The following STT3B variants were observed in gnomAD, a reference collection of about 807,000 sequenced individuals.
The protein encoded by STT3B is dolichyl-diphosphooligosaccharide--protein glycosyltransferase subunit STT3B.
In STT3B, 29 loss-of-function variants were observed where a neutral mutation model predicts 96.8. That is an observed-to-expected ratio of 0.30 (90% CI 0.22 to 0.41). The LOEUF is 0.41. STT3B is among the 10% of genes least tolerant of loss of function. The probability of loss-of-function intolerance (pLI) is 1.00; values close to 1 mark genes in which losing one functional copy is unlikely to be tolerated. For synonymous variants in STT3B, 367 were observed against 360.0 expected, an observed-to-expected ratio of 1.02 and a Z score of -0.22; for missense variants, 640 against 1,022.3, an observed-to-expected ratio of 0.63 and a Z score of 5.10.
rs372760336 is a variant in STT3B at position 31,620,132 on chromosome 3, G to A, written c.1327+302G>A. The A allele has an allele frequency of 5.3e-5, 20 of 380,380 alleles. No homozygotes were observed. The East Asian group carries it at 8.3e-4, about 16-fold the overall frequency. The allele number at this position is 380,380 out of a possible 1,614,324, so 23.6% of individuals were successfully genotyped here. On this transcript the variant is annotated intron_variant, in intron 9 of 15. Transcript: ENST00000295770. ...TCTACTAAAAATACAAAAATTAGCC[G>A]AACATGGTGGTGCATGCCTGTAATC...
At position 31,579,687 on chromosome 3, in the gene STT3B, T is replaced by G. The variant is rs939416028; in HGVS notation, c.424-122T>G. On this transcript the variant is annotated intron_variant, in intron 2 of 15. Coordinates refer to ENST00000295770, the MANE Select transcript of STT3B (RefSeq NM_178862.3). ...TGTAGTTTATAAAGAAGGCAAATTG[T>G]TTTGAGATGTTGCTTTCAAACTTAT... is the stretch of plus-strand genomic sequence containing the variant. 5.2e-6 allele frequency: 4 copies of G among 767,828 alleles called. No individual in the cohort carries two copies. In the African/African-American group the frequency reaches 7.2e-5, roughly 14 times the overall value. 47.6% of individuals were successfully genotyped at this position (767,828 alleles called of 1,614,324 possible).
intron 3 of STT3B, among the ~76,000 whole-genome samples, chr3:31,585,871 C>A (rs1022809264): frequency 1.3e-5 from 2 of 152,052 alleles, no homozygotes; most frequent in Non-Finnish European, 2.9e-5. Flanking sequence ...ACTACAATTT[C>A]TTTTCCAGTT....
intron 3 of STT3B, among the ~76,000 whole-genome samples, chr3:31,595,693 G>C (rs571912799): frequency 6.6e-6 from 1 of 152,122 alleles, no homozygotes; most frequent in African/African-American, 2.4e-5. Flanking sequence ...TTGGTTACTT[G>C]CTTTTCAGTT....
chr3:31,608,852 C>T (rs1413259490), intron 5 of STT3B, among the ~76,000 whole-genome samples: 5 of 152,218 alleles, frequency 3.3e-5, no homozygotes, highest in African/African-American at 4.8e-5. Context: ...TGCAGTGGCT[C>T]ACGCCTGTAA....
At chr3:31,625,874 G>A in intron 12 of STT3B, 80 bp from the exon 13 acceptor site, 1 of 1,301,514 alleles carries the variant, frequency 7.7e-7, no homozygotes, top group Non-Finnish European at 1.0e-6. Flanking sequence ...TGAATTCCAT[G>A]TTGTAGTAAA....
intron 3 of STT3B, among the ~76,000 whole-genome samples, chr3:31,588,918 G>A (rs1698605942): frequency 6.6e-6 from 1 of 150,888 alleles, no homozygotes; most frequent in African/African-American, 2.4e-5. Context: ...TTGAAGTCAG[G>A]TGTAGTATCA....
intron 5 of STT3B, among the ~76,000 whole-genome samples, chr3:31,614,781 T>A (rs1699267956): frequency 6.6e-6 from 1 of 151,922 alleles, no homozygotes; most frequent in Non-Finnish European, 1.5e-5. Flanking sequence ...TATGTATTAC[T>A]TAGCTTCTTG....
chr3:31,615,628 T>C (rs1224931852), intron 6 of STT3B, among the ~76,000 whole-genome samples: 5 of 151,906 alleles, frequency 3.3e-5, no homozygotes, highest in Non-Finnish European at 7.4e-5. Flanking sequence ...GTTGTCACTT[T>C]ACCAAGTAGT....
At chr3:31,548,615 C>G (rs1697474006) in intron 1 of STT3B, among the ~76,000 whole-genome samples, 1 of 152,142 alleles carries the variant, frequency 6.6e-6, no homozygotes, top group Admixed American at 6.6e-5. Flanking sequence ...TTGACCACCT[C>G]TCCTCAACCT....
intron 1 of STT3B, among the ~76,000 whole-genome samples, chr3:31,549,688 C>T (rs1697503594): frequency 6.6e-6 from 1 of 151,866 alleles, no homozygotes; most frequent in African/African-American, 2.4e-5. Flanking sequence ...AATGCATAAT[C>T]ATATGTCTAA....
chr3:31,626,336 C>G (rs1699537772), intron 13 of STT3B, among the ~76,000 whole-genome samples: 1 of 152,144 alleles, frequency 6.6e-6, no homozygotes, highest in Non-Finnish European at 1.5e-5. Context: ...ACCATTCTTC[C>G]CTATGAAGCA....
intron 1 of STT3B, among the ~76,000 whole-genome samples, chr3:31,572,149 T>TATATA (rs936852819): frequency 7.3e-6 from 1 of 136,544 alleles, no homozygotes; most frequent in African/African-American, 3.0e-5. Context: ...TCTAAATTTA[T>TATATA]ATATAATATA....
chr3:31,576,313 A>T (rs1200666033), intron 1 of STT3B, 83 bp from the exon 2 acceptor site: 1 of 706,634 alleles, frequency 1.4e-6, no homozygotes, highest in African/African-American at 1.8e-5. Context: ...AGATACATTT[A>T]TGTAGCCACA....
chr3:31,633,286 T>C, intron 15 of STT3B, 139 bp downstream of exon 15: 1 of 759,400 alleles, frequency 1.3e-6, no homozygotes, highest in Non-Finnish European at 2.1e-6. Context: ...GAAGTAAATA[T>C]CAGCCTAGCC....
chr3:31,534,431 G>C (rs1360345037), intron 1 of STT3B, among the ~76,000 whole-genome samples: 1 of 152,166 alleles, frequency 6.6e-6, no homozygotes, highest in Non-Finnish European at 1.5e-5. Flanking sequence ...TCCCCTCTGA[G>C]AGTATGCCTT....
At chr3:31,588,504 T>G (rs899917128) in intron 3 of STT3B, among the ~76,000 whole-genome samples, 1 of 152,132 alleles carries the variant, frequency 6.6e-6, no homozygotes, top group Non-Finnish European at 1.5e-5. Flanking sequence ...ACATTTCTGC[T>G]AGATTTGCTC....
chr3:31,577,302 T>C (rs915601267), intron 2 of STT3B, among the ~76,000 whole-genome samples: 1 of 152,106 alleles, frequency 6.6e-6, no homozygotes, highest in Non-Finnish European at 1.5e-5. Flanking sequence ...TTCTTCATTA[T>C]TAAGAGATGC....
chr3:31,547,500 G>T (rs1174205368), intron 1 of STT3B, among the ~76,000 whole-genome samples: 1 of 152,040 alleles, frequency 6.6e-6, no homozygotes, highest in African/African-American at 2.4e-5. Flanking sequence ...CAAAAAATCA[G>T]CCGGGCATGG....
intron 2 of STT3B, among the ~76,000 whole-genome samples, 196 bp from the exon 3 acceptor site, chr3:31,579,613 A>T (rs1478872344): frequency 6.6e-6 from 1 of 151,200 alleles, no homozygotes; most frequent in East Asian, 1.9e-4. Context: ...ATTCCTCCAG[A>T]TATGAGCTAG....
Sources: allele counts gnomAD v4.1 joint callset (sites outside exome capture counted in the v4.1 genomes callset), GRCh38; gene constraint gnomAD v4.1.1; transcripts MANE v1.5; gene names NCBI Gene and HGNC (gene_info 2026-07-23, HGNC 2026-07-21).